Variants in ATP13A1 observed in about 807,000 individuals in gnomAD.
The protein encoded by ATP13A1 is ATPase 13A1.
Under a neutral mutation model 134.8 loss-of-function variants are expected in ATP13A1, and 55 were observed. The observed-to-expected ratio is 0.41, with a 90% confidence interval of 0.33 to 0.51. ATP13A1 has a LOEUF of 0.51. Ranked by LOEUF, ATP13A1 falls within the 20% of genes least tolerant of loss-of-function variation. The pLI, the probability that ATP13A1 is intolerant of heterozygous loss-of-function variation, is 0.29. For synonymous variants in ATP13A1, 775 were observed against 725.1 expected (o/e 1.07, Z -1.10); for missense variants, 1,389 against 1,652.8 (o/e 0.84, Z 2.77).
Position 19,654,159 on chromosome 19 carries a change from G to A in ATP13A1, c.1814-15C>T, listed in dbSNP as rs773149889. On this transcript the variant is annotated splice_polypyrimidine_tract_variant and intron_variant, in intron 13 of 25. Coordinates refer to ENST00000357324, the MANE Select transcript of ATP13A1 (RefSeq NM_020410.3). ...TACTTTCTCATCTGGAAACAAATAA[G>A]TACGAGTCCTGAGGGGCTTTGCTCC... The A allele has an allele frequency of 1.3e-6, 2 of 1,573,834 alleles. No homozygotes were observed. Among genetic ancestry groups the A allele is most frequent in the South Asian group, 1.2e-5 (1 of 86,038 alleles).
chr19:19,661,619 G>A (rs2062094895), intron 1 of ATP13A1, among the ~76,000 whole-genome samples: 3 of 152,178 alleles, frequency 2.0e-5, no homozygotes, highest in Admixed American at 6.6e-5. Context: ...AAGGCAGGGG[G>A]ATTTGCCTGT....
chr19:19,661,942 C>T, intron 1 of ATP13A1: 1 of 1,253,330 alleles, frequency 8.0e-7, no homozygotes, highest in South Asian at 1.4e-5. Flanking sequence ...GGGCACTCTG[C>T]AGATATCATC....
chr19:19,653,034 T>C lies in ATP13A1; in HGVS notation c.2101-314A>G, dbSNP rs540530984. The C allele has an allele frequency of 3.0e-6, 1 of 327,942 alleles. No homozygotes were observed. Among genetic ancestry groups the C allele is most frequent in the South Asian group, 3.9e-5 (1 of 25,594 alleles). The allele number at this position is 327,942 out of a possible 1,614,324, so 20.3% of individuals were successfully genotyped here. On this transcript the variant is annotated intron_variant, in intron 15 of 25. Transcript: ENST00000357324. The surrounding 1 kb of genome is among the most constrained non-coding windows in gnomAD (Gnocchi z 4.2). ...AATGAAGTAGGGACTCTCCCAATAATGTTGGAGTTTAGCCAGGAACTCTTA... is the reference window on the plus strand; with the variant it reads ...AATGAAGTAGGGACTCTCCCAATAACGTTGGAGTTTAGCCAGGAACTCTTA...
intron 22 of ATP13A1, 98 bp from the exon 23 acceptor site, chr19:19,646,445 C>T: frequency 7.1e-7 from 1 of 1,416,646 alleles, no homozygotes; most frequent in Non-Finnish European, 9.7e-7. Context: ...CCCGGGAGAC[C>T]TTGTGTACAG....
At position 19,647,527 on chromosome 19, in the gene ATP13A1, T is replaced by C; in HGVS notation, c.2795A>G (p.Asp932Gly). The change falls in exon 21 of 26, where the codon GAC becomes GGC. Residue 932 changes from aspartate to glycine, a missense_variant and splice_region_variant. Physicochemically the swap from Asp to Gly is moderately conservative, Grantham distance 94. This residue lies in a region of ATP13A1 where 121 missense variants were observed against 104.9 expected (regional missense o/e 1.15). Coordinates refer to ENST00000357324, the MANE Select transcript of ATP13A1 (RefSeq NM_020410.3). The surrounding 1 kb of genome is among the most constrained non-coding windows in gnomAD (Gnocchi z 4.8). ...PSEEQPTSQRDRLSQVLRDLE... is the reference protein window; with the variant it reads ...PSEEQPTSQRGRLSQVLRDLE... Reference sequence around the variant, plus strand: ...GTCTCGCAGCACCTGGCTCAGGCGGTCCTGCAGGGTAGACAGCAGGCTGTC... The same window carrying C: ...GTCTCGCAGCACCTGGCTCAGGCGGCCCTGCAGGGTAGACAGCAGGCTGTC... The C allele has an allele frequency of 6.2e-7, 1 of 1,612,550 alleles. No homozygotes were observed. The highest frequency in any genetic ancestry group is 8.5e-7 in the Non-Finnish European group (1 of 1,179,288).
chr19:19,662,135 G>GAGGAAGTTAAGAGGA (rs776705023), intron 1 of ATP13A1: 55 of 1,559,618 alleles, frequency 3.5e-5, no homozygotes, highest in Non-Finnish European at 4.2e-5. Context: ...AGGAAGTTAA[G>GAGGAAGTTAAGAGGA]AGCTAAGCTG....
chr19:19,662,547 G>A (rs1194870110), intron 1 of ATP13A1, among the ~76,000 whole-genome samples: 1 of 152,126 alleles, frequency 6.6e-6, no homozygotes, highest in Admixed American at 6.6e-5. Flanking sequence ...TTCAGGCCCA[G>A]GGAAGCTCAC....
chr19:19,654,459 T>G (rs2062044472), intron 13 of ATP13A1, 84 bp downstream of exon 13: 3 of 1,456,254 alleles, frequency 2.1e-6, no homozygotes, highest in Non-Finnish European at 9.1e-7. Flanking sequence ...GTCCCCAAGA[T>G]GCTCTGAGGG....
chr19:19,653,621 A>G lies in ATP13A1; in HGVS notation c.2100+163T>C. ...TGGGTGGGTCCCCACAGCAGTGGAC[A>G]GACTGAGTGCCATTTGGAGTCTCCA... On this transcript the variant is annotated intron_variant, in intron 15 of 25. Coordinates refer to ENST00000357324, the MANE Select transcript of ATP13A1 (RefSeq NM_020410.3). The surrounding 1 kb of genome is among the most constrained non-coding windows in gnomAD (Gnocchi z 4.2). 3 of 686,968 alleles carry G rather than the reference A, an allele frequency of 4.4e-6. No homozygotes were observed. The highest frequency in any genetic ancestry group is 7.3e-6 in the Non-Finnish European group (3 of 412,908). 42.6% of individuals were successfully genotyped at this position (686,968 alleles called of 1,614,324 possible). A position where few individuals can be genotyped will look rare whatever the true frequency, so the allele number is the denominator to read the frequency against.
chr19:19,655,747 C>T lies in ATP13A1; in HGVS notation c.1270-93G>A, dbSNP rs2062053280. ...GGGCCTGGTCTTGGGGTGGCCTCTGCACCCTGGCCCAGGTCCAGGGCCGTG... is the reference window on the plus strand; with the variant it reads ...GGGCCTGGTCTTGGGGTGGCCTCTGTACCCTGGCCCAGGTCCAGGGCCGTG... On this transcript the variant is annotated intron_variant, in intron 9 of 25. Transcript: ENST00000357324. The surrounding 1 kb of genome is among the most constrained non-coding windows in gnomAD (Gnocchi z 5.7). 3 of 1,541,220 alleles carry T rather than the reference C, an allele frequency of 1.9e-6. No individual in the cohort carries two copies. Among genetic ancestry groups the T allele is most frequent in the Non-Finnish European group, 2.6e-6 (3 of 1,142,262 alleles).
At chr19:19,658,678 T>C (rs2062075323) in intron 3 of ATP13A1, among the ~76,000 whole-genome samples, 1 of 152,130 alleles carries the variant, frequency 6.6e-6, no homozygotes, top group Non-Finnish European at 1.5e-5. Flanking sequence ...ATTTGCAGTT[T>C]TGGTGAAGAT....
In ATP13A1 at chr19:19,647,068, A is replaced by C; in HGVS notation, c.3105+61T>G. The C allele has an allele frequency of 6.6e-7, 1 of 1,518,474 alleles. No individual in the cohort carries two copies. Among genetic ancestry groups the C allele is most frequent in the East Asian group, 2.3e-5 (1 of 44,200 alleles). The allele number at this position is 1,518,474 out of a possible 1,614,324, so 94.1% of individuals were successfully genotyped here. A position where few individuals can be genotyped will look rare whatever the true frequency, so the allele number is the denominator to read the frequency against. On this transcript the variant is annotated intron_variant, in intron 22 of 25. Transcript: ENST00000357324. This position sits in a 1 kb window ranked among gnomAD's most constrained non-coding sequence, Gnocchi z 4.8. Reference sequence around the variant, plus strand: ...CTTGGGGATGACAATTCCCGTGCCTATATCAGCCTGGCCCTGGCAGGCCCA... The same window carrying C: ...CTTGGGGATGACAATTCCCGTGCCTCTATCAGCCTGGCCCTGGCAGGCCCA...
chr19:19,650,044 A>C (rs1342118584), intron 17 of ATP13A1, 104 bp from the exon 18 acceptor site: 2 of 1,062,794 alleles, frequency 1.9e-6, no homozygotes, highest in East Asian at 5.2e-5. Context: ...TCCTCTCTGG[A>C]GCCCGCACCT....
At position 19,659,717 on chromosome 19, in the gene ATP13A1, C is replaced by T; in HGVS notation, c.561G>A (p.Lys187=). 2 of 1,613,968 alleles carry T rather than the reference C, an allele frequency of 1.2e-6. No individual in the cohort carries two copies. The highest frequency in any genetic ancestry group is 1.7e-6 in the Non-Finnish European group (2 of 1,179,874). Residue 187 remains lysine (K), a synonymous_variant, in exon 3 of 26, where the codon AAG becomes AAA. Coordinates refer to ENST00000357324, the MANE Select transcript of ATP13A1 (RefSeq NM_020410.3). ...CAGGAAAGGCCACGGGGAGAAACTG[C>T]TTCTTCTCCAGGGCATCGTAGGAAT... ...IKYSYDALEK[K]QFLPVAFPVG... is the part of the protein sequence containing the mutation.
intron 3 of ATP13A1, 54 bp from the exon 4 acceptor site, chr19:19,657,462 A>T: frequency 6.6e-7 from 1 of 1,521,188 alleles, no homozygotes; most frequent in East Asian, 2.5e-5. Context: ...TGGGGTATGG[A>T]GTCTCCACCC....
chr19:19,660,292 G>A (rs1422168646), intron 1 of ATP13A1, among the ~76,000 whole-genome samples: 3 of 151,180 alleles, frequency 2.0e-5, no homozygotes, highest in South Asian at 2.1e-4. Flanking sequence ...GATCAGCCTC[G>A]CCAATGTGGC....
chr19:19,661,572 C>G (rs2062094602), intron 1 of ATP13A1, among the ~76,000 whole-genome samples: 1 of 152,200 alleles, frequency 6.6e-6, no homozygotes, highest in Non-Finnish European at 1.5e-5. Context: ...TTGGCATCAA[C>G]TGCTGACTAT....
Position 19,647,090 on chromosome 19 carries a change from C to T in ATP13A1, c.3105+39G>A. 6.3e-7 allele frequency: 1 copy of T among 1,575,704 alleles called. No homozygotes were observed. ...CCTATATCAGCCTGGCCCTGGCAGG[C>T]CCATGCATCCCTGGCCTTCCAGCAC... On this transcript the variant is annotated intron_variant, in intron 22 of 25. Coordinates refer to ENST00000357324, the MANE Select transcript of ATP13A1 (RefSeq NM_020410.3). The surrounding 1 kb of genome is among the most constrained non-coding windows in gnomAD (Gnocchi z 4.8).
At position 19,656,135 on chromosome 19, in the gene ATP13A1, C is replaced by G; in HGVS notation, c.1132G>C (p.Asp378His). The change falls in exon 8 of 26, where the codon GAT (aspartate) becomes CAT (histidine). Residue 378 changes from aspartate (D) to histidine (H), a missense_variant. Coordinates refer to ENST00000357324, the MANE Select transcript of ATP13A1 (RefSeq NM_020410.3). This position sits in a 1 kb window ranked among gnomAD's most constrained non-coding sequence, Gnocchi z 4.6. Reference sequence around the variant, plus strand: ...CCGAAGATGACGTGCAGCCGGGAATCAGCCTGGAGGTCCAGCACCCGGTCT... The same window carrying G: ...CCGAAGATGACGTGCAGCCGGGAATGAGCCTGGAGGTCCAGCACCCGGTCT... ...SPDRVLDLQA[D>H]SRLHVIFGGT... The G allele has an allele frequency of 6.2e-7, 1 of 1,613,744 alleles. No individual in the cohort carries two copies. Among genetic ancestry groups the G allele is most frequent in the Non-Finnish European group, 8.5e-7 (1 of 1,179,762 alleles).
Sources: allele counts gnomAD v4.1 joint callset (sites outside exome capture counted in the v4.1 genomes callset), GRCh38; gene constraint gnomAD v4.1.1; regional missense constraint gnomAD v4.1.1; non-coding constraint Gnocchi (gnomAD v3.1); transcripts MANE v1.5; gene names NCBI Gene and HGNC (gene_info 2026-07-23, HGNC 2026-07-21).